Variants in PTPRD observed in about 807,000 individuals in gnomAD.
The protein encoded by PTPRD is receptor-type tyrosine-protein phosphatase delta.
Under a neutral mutation model 214.5 loss-of-function variants are expected in PTPRD, and 34 were observed. That is an observed-to-expected ratio of 0.16 (90% confidence interval 0.12 to 0.21). The LOEUF (loss-of-function observed/expected upper bound fraction) is 0.21. Among genes scored for constraint, PTPRD ranks in the 10% least tolerant of loss-of-function variants. PTPRD has a pLI of 1.00. For missense variants in PTPRD, 2,545 were observed against 2,398.7 expected (o/e 1.06, Z -1.27); for synonymous variants, 1,128 against 845.7 (o/e 1.33, Z -5.79).
At chr9:10,140,569 T>C (rs1160133646) in intron 3 of PTPRD, among the ~76,000 whole-genome samples, 1 of 152,072 alleles carries the variant, frequency 6.6e-6, no homozygotes, top group African/African-American at 2.4e-5. Context: ...AATCTCTGAA[T>C]AGACCAAGAA....
intron 11 of PTPRD, among the ~76,000 whole-genome samples, chr9:8,830,697 G>A (rs528852604): frequency 9.9e-5 from 15 of 152,188 alleles, no homozygotes; most frequent in South Asian, 2.1e-4. Context: ...ACACTACTTC[G>A]CTGAAAGGAA....
intron 11 of PTPRD, among the ~76,000 whole-genome samples, chr9:8,976,717 C>A (rs1300910770): frequency 6.6e-6 from 1 of 152,042 alleles, no homozygotes; most frequent in Non-Finnish European, 1.5e-5. Flanking sequence ...TCTCTACAGT[C>A]TGATTTTTAA....
chr9:9,096,229 G>T (rs377600221), intron 10 of PTPRD, among the ~76,000 whole-genome samples: 10 of 152,236 alleles, frequency 6.6e-5, no homozygotes, highest in African/African-American at 1.2e-4. Flanking sequence ...TTTAGCCACC[G>T]TTGCCACAAA....
At chr9:9,638,432 A>C (rs10816151) in intron 7 of PTPRD, among the ~76,000 whole-genome samples, 31,405 of 152,114 alleles carry the variant, frequency 0.21, 3,922 homozygotes, top group African/African-American at 0.35. Context: ...ATGACCATTT[A>C]TCCAGTTTTA....
rs55707715 is a variant in PTPRD at position 9,175,622 on chromosome 9, CAAAA to C, written c.-143+7678_-143+7681del. On this transcript the variant is annotated intron_variant, in intron 10 of 45. Transcript: ENST00000381196. ...TGGGCAACAGAGTGAGACTCTGTCT[CAAAA>C]AAAAAAAAAAAAAAAAAAAAAAAAG... Among the ~76,000 whole-genome samples, 355 of 45,104 alleles carry C rather than the reference CAAAA, an allele frequency of 7.9e-3. 4 individuals carry two copies. The highest frequency in any genetic ancestry group is 0.03 in the African/African-American group (333 of 11,108). 29.6% of individuals were successfully genotyped at this position (45,104 alleles called of 152,430 possible).
chr9:8,848,313 C>CTTTTTTTT (rs371491854), intron 11 of PTPRD, among the ~76,000 whole-genome samples: 1 of 132,668 alleles, frequency 7.5e-6, no homozygotes, highest in Non-Finnish European at 1.6e-5. Context: ...AAGATTTTTC[C>CTTTTTTTT]TTTTTTTTTT....
At chr9:9,707,037 C>G (rs1415007776) in intron 7 of PTPRD, among the ~76,000 whole-genome samples, 1 of 152,080 alleles carries the variant, frequency 6.6e-6, no homozygotes, top group Non-Finnish European at 1.5e-5. Context: ...AAAATATTAT[C>G]TGAGATTACA....
At chr9:9,616,169 G>C (rs1037626223) in intron 7 of PTPRD, among the ~76,000 whole-genome samples, 3 of 152,098 alleles carry the variant, frequency 2.0e-5, no homozygotes, top group African/African-American at 7.2e-5. Flanking sequence ...TATATTGTCC[G>C]ATAACATACA....
intron 36 of PTPRD, among the ~76,000 whole-genome samples, chr9:8,395,938 G>T (rs2091035877): frequency 6.6e-6 from 1 of 152,058 alleles, no homozygotes; most frequent in African/African-American, 2.4e-5. Flanking sequence ...ACAGCAACTT[G>T]CCTTAAAATA....
intron 11 of PTPRD, among the ~76,000 whole-genome samples, chr9:8,805,087 C>T (rs1226512468): frequency 6.6e-6 from 1 of 152,100 alleles, no homozygotes; most frequent in Non-Finnish European, 1.5e-5. Flanking sequence ...AGATCAAAGC[C>T]ATGGGATCAG....
chr9:8,322,108 G>C (rs1436389592), intron 44 of PTPRD, among the ~76,000 whole-genome samples: 1 of 152,120 alleles, frequency 6.6e-6, no homozygotes, highest in African/African-American at 2.4e-5. Flanking sequence ...ATTGACAAAT[G>C]TGTGTGTTAT....
intron 5 of PTPRD, among the ~76,000 whole-genome samples, chr9:9,876,111 T>C (rs1031560784): frequency 1.3e-5 from 2 of 152,012 alleles, no homozygotes; most frequent in African/African-American, 2.4e-5. Flanking sequence ...CAGTAAGAGA[T>C]TGTGTTTTGA....
chr9:8,338,854 A>AGAGAGAGAGAGAGAGC, intron 43 of PTPRD, 68 bp downstream of exon 43: 1 of 1,469,138 alleles, frequency 6.8e-7, no homozygotes, highest in Non-Finnish European at 9.2e-7. Flanking sequence ...TCCCAGAGAG[A>AGAGAGAGAGAGAGAGC]GAGAGAGAGA....
At position 9,384,343 on chromosome 9, in the gene PTPRD, C is replaced by CTTTTTTTTTTTTTT. The variant is rs869246078; in HGVS notation, c.-203+13092_-203+13105dup. Among the ~76,000 whole-genome samples, 7 of 33,318 alleles carry CTTTTTTTTTTTTTT rather than the reference C, an allele frequency of 2.1e-4. 2 individuals are homozygous for CTTTTTTTTTTTTTT. The highest frequency in any genetic ancestry group is 4.9e-4 in the Non-Finnish European group (7 of 14,296). 21.9% of individuals were successfully genotyped at this position (33,318 alleles called of 152,430 possible). A position where few individuals can be genotyped will look rare whatever the true frequency, so the allele number is the denominator to read the frequency against. ...GATGATATTTGAGCAGAAGACTAGG[C>CTTTTTTTTTTTTTT]TTTTTTTTTTTTTTTTTTTTTTTTT... On this transcript the variant is annotated intron_variant, in intron 9 of 45. Coordinates refer to ENST00000381196, the MANE Select transcript of PTPRD (RefSeq NM_002839.4).
At chr9:9,752,457 A>C (rs2098529799) in intron 6 of PTPRD, among the ~76,000 whole-genome samples, 1 of 152,092 alleles carries the variant, frequency 6.6e-6, no homozygotes, top group African/African-American at 2.4e-5. Flanking sequence ...TTTACAGTGG[A>C]AAAGCTGACA....
chr9:9,947,575 T>TTA (rs1197336438), intron 4 of PTPRD, among the ~76,000 whole-genome samples: 1 of 41,984 alleles, frequency 2.4e-5, no homozygotes, highest in Non-Finnish European at 3.6e-5. Context: ...TATATATATA[T>TTA]TATATATATA....
chr9:8,579,670 A>G (rs2092852138), intron 14 of PTPRD, among the ~76,000 whole-genome samples: 1 of 152,244 alleles, frequency 6.6e-6, no homozygotes, highest in Admixed American at 6.5e-5. Context: ...GTATTATCAA[A>G]TCAAAGTAGG....
At chr9:9,275,129 T>C (rs537527878) in intron 9 of PTPRD, among the ~76,000 whole-genome samples, 1 of 46,408 alleles carries the variant, frequency 2.2e-5, no homozygotes, top group Non-Finnish European at 3.8e-5. Context: ...TTATATATAT[T>C]ATATATAATA....
intron 2 of PTPRD, among the ~76,000 whole-genome samples, chr9:10,450,821 A>G (rs2098836590): frequency 6.6e-6 from 1 of 152,008 alleles, no homozygotes; most frequent in African/African-American, 2.4e-5. Flanking sequence ...GTCTTAAAAA[A>G]TTGTTGGCTG....
Sources: gnomAD v4.1 joint callset for allele counts (sites outside exome capture counted in the v4.1 genomes callset) on GRCh38, gnomAD v4.1.1 for gene constraint, MANE v1.5 for transcripts, NCBI Gene and HGNC (gene_info 2026-07-23, HGNC 2026-07-21) for gene names.